The following CUL2 variants were observed in gnomAD, a reference collection of about 807,000 sequenced individuals.
CUL2 encodes cullin 2.
CUL2 carries 22 observed loss-of-function variants against 110.2 expected under a neutral mutation model. The ratio of observed to expected loss-of-function variants is 0.20; its 90% CI spans 0.14 to 0.28. The LOEUF is 0.28. Among genes scored for constraint, CUL2 ranks in the 10% least tolerant of loss-of-function variants. CUL2 has a pLI of 1.00. For synonymous variants in CUL2, 279 were observed against 293.2 expected, an observed-to-expected ratio of 0.95 and a Z score of 0.49; for missense variants, 631 against 905.5, an observed-to-expected ratio of 0.70 and a Z score of 3.89.
At chr10:35,078,230 C>A (rs528036214) in intron 1 of CUL2, among the ~76,000 whole-genome samples, 1 of 151,898 alleles carries the variant, frequency 6.6e-6, no homozygotes, top group Non-Finnish European at 1.5e-5. Context: ...AAATGTCCAC[C>A]CCTAAAAAAC....
rs2084820102 is a variant in CUL2, at chr10:35,008,669, T to C, written c.*1642A>G. On this transcript the variant is annotated 3_prime_UTR_variant, in exon 21 of 21. Transcript: ENST00000374749. ...TTCCTCTTTTGGAAGAAAGGTAAAA[T>C]GAGAAATACATTATATAAGTCATTA... 6.6e-6 allele frequency: 1 copy of C among 152,162 alleles called. No individual in the cohort carries two copies. The highest frequency in any genetic ancestry group is 2.4e-5 in the African/African-American group (1 of 41,442). The allele number at this position is 152,162 out of a possible 1,614,324, so 9.4% of individuals were successfully genotyped here. A position where few individuals can be genotyped will look rare whatever the true frequency, so the allele number is the denominator to read the frequency against.
intron 1 of CUL2, among the ~76,000 whole-genome samples, chr10:35,075,871 T>A (rs1328433808): frequency 2.0e-5 from 3 of 152,150 alleles, no homozygotes; most frequent in African/African-American, 7.2e-5. Flanking sequence ...ATTACAAAAG[T>A]GAATTATAAA....
intron 7 of CUL2, 45 bp from the exon 8 acceptor site, chr10:35,044,721 AG>A (rs1564717906): frequency 6.3e-7 from 1 of 1,583,846 alleles, no homozygotes; most frequent in Non-Finnish European, 8.6e-7. Flanking sequence ...TAGAACAAGC[AG>A]TTTAAGAAAT....
chr10:35,124,678 G>T (rs113757608), intron 1 of CUL2, among the ~76,000 whole-genome samples: 1 of 152,146 alleles, frequency 6.6e-6, no homozygotes, highest in Non-Finnish European at 1.5e-5. Flanking sequence ...CAAGAGGCAC[G>T]ATACTAACAC....
At position 35,008,866 on chromosome 10, in the gene CUL2, T is replaced by C. The variant is rs988662772; in HGVS notation, c.*1445A>G. ...AGTAATAATATCACTGTGGATTTTT[T>C]AAAGGCCTTACTGAAGTATTATAAG... On this transcript the variant is annotated 3_prime_UTR_variant, in exon 21 of 21. Coordinates refer to ENST00000374749, the MANE Select transcript of CUL2 (RefSeq NM_003591.4). 1 of 152,168 alleles carries C rather than the reference T, an allele frequency of 6.6e-6. No homozygotes were observed. Among genetic ancestry groups the C allele is most frequent in the Non-Finnish European group, 1.5e-5 (1 of 68,026 alleles). 9.4% of individuals were successfully genotyped at this position (152,168 alleles called of 1,614,324 possible).
intron 1 of CUL2, among the ~76,000 whole-genome samples, chr10:35,103,999 T>G (rs2135114214): frequency 6.6e-6 from 1 of 152,182 alleles, no homozygotes; most frequent in African/African-American, 2.4e-5. Flanking sequence ...GAAATGAAAT[T>G]TAAGCTTCTT....
At chr10:35,074,417 T>C (rs560266942) in intron 1 of CUL2, 4 of 611,578 alleles carry the variant, frequency 6.5e-6, no homozygotes, top group Non-Finnish European at 1.2e-5. Flanking sequence ...TACTATTTTC[T>C]CTACCTAAAG....
chr10:35,013,136 C>T (rs187189077), intron 19 of CUL2, among the ~76,000 whole-genome samples: 59 of 152,082 alleles, frequency 3.9e-4, no homozygotes, highest in Non-Finnish European at 5.0e-4. Flanking sequence ...GTCAGGAGAT[C>T]GAGACCACCC....
rs1441483322 is a variant in CUL2, at chr10:35,009,573, G to A, written c.*738C>T. On this transcript the variant is annotated 3_prime_UTR_variant, in exon 21 of 21. Transcript: ENST00000374749. Reference sequence around the variant, plus strand: ...AAGCATCCTGCTCACACTCTGCGATGTCTGTGGAGTAGCACACCACCAGAA... The same window carrying A: ...AAGCATCCTGCTCACACTCTGCGATATCTGTGGAGTAGCACACCACCAGAA... The A allele has an allele frequency of 1.3e-5, 2 of 152,162 alleles. No individual in the cohort carries two copies. Among genetic ancestry groups the A allele is most frequent in the Non-Finnish European group, 2.9e-5 (2 of 68,040 alleles). The allele number at this position is 152,162 out of a possible 1,614,324, so 9.4% of individuals were successfully genotyped here. A position where few individuals can be genotyped will look rare whatever the true frequency, so the allele number is the denominator to read the frequency against.
At chr10:35,016,802 T>C (rs1213012888) in intron 17 of CUL2, among the ~76,000 whole-genome samples, 1 of 151,586 alleles carries the variant, frequency 6.6e-6, no homozygotes. Flanking sequence ...TGGCTCATGC[T>C]TGTAATCCTA....
chr10:35,039,318 T>A (rs1399564498), intron 8 of CUL2, among the ~76,000 whole-genome samples: 1 of 152,252 alleles, frequency 6.6e-6, no homozygotes, highest in Non-Finnish European at 1.5e-5. Flanking sequence ...AGTTAAATAG[T>A]CTGCATTTTG....
intron 17 of CUL2, among the ~76,000 whole-genome samples, chr10:35,021,027 G>A (rs532626282): frequency 6.7e-6 from 1 of 149,564 alleles, no homozygotes; most frequent in East Asian, 2.0e-4. Context: ...TGAACTCCTG[G>A]GCTCAAGTGA....
intron 6 of CUL2, among the ~76,000 whole-genome samples, chr10:35,048,954 C>T (rs759814133): frequency 1.3e-5 from 2 of 152,118 alleles, no homozygotes; most frequent in Non-Finnish European, 2.9e-5. Flanking sequence ...TTGATGAGCA[C>T]AGATATAGGT....
At chr10:35,096,183 G>C (rs1440439541) in intron 2 of CUL2, among the ~76,000 whole-genome samples, 1 of 152,090 alleles carries the variant, frequency 6.6e-6, no homozygotes, top group Admixed American at 6.6e-5. Context: ...CAGAGGCAGA[G>C]GTTTCAGTGA....
intron 6 of CUL2, among the ~76,000 whole-genome samples, chr10:35,045,557 A>C (rs1357867876): frequency 1.3e-5 from 2 of 151,296 alleles, no homozygotes; most frequent in Non-Finnish European, 2.9e-5. Context: ...AAAAAAAAAA[A>C]AAAACAACTT....
chr10:35,070,768 G>A (rs2086656433), intron 2 of CUL2, among the ~76,000 whole-genome samples: 1 of 151,936 alleles, frequency 6.6e-6, no homozygotes, highest in Non-Finnish European at 1.5e-5. Context: ...CATCCTCAGG[G>A]AGGCCTTCCT....
intron 10 of CUL2, among the ~76,000 whole-genome samples, chr10:35,033,903 G>A (rs933092094): frequency 6.6e-6 from 1 of 151,860 alleles, no homozygotes; most frequent in African/African-American, 2.4e-5. Flanking sequence ...AACAAGACCT[G>A]AACTACCAGG....
In CUL2 at chr10:35,044,577, A is replaced by G; in HGVS notation, c.703T>C (p.Tyr235His). 6.3e-7 allele frequency: 1 copy of G among 1,594,890 alleles called. No homozygotes were observed. The highest frequency in any genetic ancestry group is 8.6e-7 in the Non-Finnish European group (1 of 1,166,560). Residue 235 changes from tyrosine (Y) to histidine (H), a missense_variant, in exon 8 of 21, where the codon TAT becomes CAT. By Grantham distance (83) the Tyr-to-His change is moderately conservative. This residue lies in a region of CUL2 where 338 missense variants were observed against 442.5 expected (regional missense o/e 0.76). Transcript: ENST00000374749. ...GTTTTATTTCTTACCTTTTCCATAT[A>G]CTGTGAGCAGTTTGATTCTTGTAAT... The part of the protein sequence containing the change: ...NLLQESNCSQ[Y>H]MEKVLGRLKD...
chr10:35,059,407 G>C (rs2086326732), intron 4 of CUL2, among the ~76,000 whole-genome samples: 2 of 152,188 alleles, frequency 1.3e-5, no homozygotes, highest in Admixed American at 6.5e-5. Context: ...ACCGAGGTAA[G>C]AAGACTGGCA....
Sources: allele counts gnomAD v4.1 joint callset (sites outside exome capture counted in the v4.1 genomes callset), GRCh38; gene constraint gnomAD v4.1.1; regional missense constraint gnomAD v4.1.1; transcripts MANE v1.5; gene names NCBI Gene and HGNC (gene_info 2026-07-23, HGNC 2026-07-21).